ANO2: variants seen among roughly 807,000 people sequenced by gnomAD.
The protein encoded by ANO2 is anoctamin-2.
Under a neutral mutation model 124.2 loss-of-function variants are expected in ANO2, and 101 were observed. The ratio of observed to expected loss-of-function variants is 0.81; its 90% confidence interval spans 0.69 to 0.96. ANO2 has a LOEUF of 0.96. Among genes scored for constraint, ANO2 ranks in the 40% least tolerant of loss-of-function variants. The probability of loss-of-function intolerance (pLI) is 0.00; values close to 1 mark genes in which losing one functional copy is unlikely to be tolerated. For synonymous variants in ANO2, 486 were observed against 482.5 expected (o/e 1.01, Z -0.09); for missense variants, 1,293 against 1,274.5 (o/e 1.01, Z -0.22).
intron 15 of ANO2, among the ~76,000 whole-genome samples, chr12:5,645,902 G>C (rs1591810736): frequency 6.6e-6 from 1 of 152,288 alleles, no homozygotes; most frequent in South Asian, 2.1e-4. Flanking sequence ...CTCTTATGTG[G>C]TGACCCAGGA....
At chr12:5,759,031 C>T (rs748150272) in intron 10 of ANO2, among the ~76,000 whole-genome samples, 9 of 151,450 alleles carry the variant, frequency 5.9e-5, no homozygotes, top group Non-Finnish European at 1.2e-4. Flanking sequence ...ATCTAGCATT[C>T]GAGAGCTGCA....
intron 14 of ANO2, among the ~76,000 whole-genome samples, chr12:5,670,701 AT>A (rs1236189594): frequency 6.6e-6 from 1 of 151,042 alleles, no homozygotes; most frequent in African/African-American, 2.4e-5. Flanking sequence ...TTCCTGGCTA[AT>A]TTTTTTTTAA....
chr12:5,653,154 G>A (rs1946990158), intron 14 of ANO2, among the ~76,000 whole-genome samples: 1 of 152,202 alleles, frequency 6.6e-6, no homozygotes, highest in Non-Finnish European at 1.5e-5. Flanking sequence ...TTCAAAAGAA[G>A]CAGGCTGTGG....
At chr12:5,944,698 G>T (rs906868272) in intron 1 of ANO2, among the ~76,000 whole-genome samples, 1 of 152,172 alleles carries the variant, frequency 6.6e-6, no homozygotes, top group Non-Finnish European at 1.5e-5. Flanking sequence ...ATGCGGTTTT[G>T]GGTAAGACAC....
chr12:5,882,774 C>G (rs1362714035), intron 3 of ANO2, among the ~76,000 whole-genome samples: 1 of 152,186 alleles, frequency 6.6e-6, no homozygotes, highest in Non-Finnish European at 1.5e-5. Context: ...GCAAAGGACA[C>G]AGCAGCAGAC....
chr12:5,915,736 AT>A (rs1191377608), intron 3 of ANO2, among the ~76,000 whole-genome samples: 1 of 152,240 alleles, frequency 6.6e-6, no homozygotes, highest in Non-Finnish European at 1.5e-5. Context: ...AAGGCCAAGC[AT>A]CTTAACATGG....
chr12:5,939,213 C>CAAAAAAAAAAAAAAA, intron 1 of ANO2, among the ~76,000 whole-genome samples: 1 of 86,178 alleles, frequency 1.2e-5, no homozygotes, highest in Non-Finnish European at 2.1e-5. Context: ...AAGACTCCAA[C>CAAAAAAAAAAAAAAA]AAAAAAAAAA....
intron 4 of ANO2, among the ~76,000 whole-genome samples, chr12:5,833,583 C>A (rs1954223996): frequency 6.6e-6 from 1 of 152,130 alleles, no homozygotes; most frequent in African/African-American, 2.4e-5. Flanking sequence ...GGTACTGGTC[C>A]ATGGCCTGTT....
chr12:5,916,493 A>T (rs1311884783), intron 3 of ANO2, among the ~76,000 whole-genome samples: 7 of 75,134 alleles, frequency 9.3e-5, no homozygotes, highest in African/African-American at 4.0e-4. Flanking sequence ...GCAGCAGGTT[A>T]AAAAAAAAAA....
chr12:5,692,061 A>G (rs1948967436), intron 14 of ANO2, among the ~76,000 whole-genome samples: 1 of 152,190 alleles, frequency 6.6e-6, no homozygotes, highest in African/African-American at 2.4e-5. Flanking sequence ...TTTACAGTCC[A>G]GAAAGCTCAC....
At chr12:5,822,869 G>A (rs1456730422) in intron 7 of ANO2, among the ~76,000 whole-genome samples, 3 of 152,200 alleles carry the variant, frequency 2.0e-5, no homozygotes, top group Admixed American at 2.0e-4. Flanking sequence ...GGAGGCCCAA[G>A]AATCATGGAG....
intron 3 of ANO2, among the ~76,000 whole-genome samples, chr12:5,893,079 T>G (rs1218698405): frequency 6.6e-6 from 1 of 152,098 alleles, no homozygotes; most frequent in Non-Finnish European, 1.5e-5. Context: ...AGAAAACAAG[T>G]ATATCCAAAA....
At chr12:5,937,566 T>C (rs973332972) in intron 1 of ANO2, among the ~76,000 whole-genome samples, 1 of 152,206 alleles carries the variant, frequency 6.6e-6, no homozygotes, top group African/African-American at 2.4e-5. Flanking sequence ...TTTCTATTTA[T>C]TTGCATGTCT....
intron 4 of ANO2, chr12:5,852,095 G>C: frequency 1.5e-6 from 1 of 668,162 alleles, no homozygotes; most frequent in East Asian, 2.7e-5. Context: ...GAAGACAGAA[G>C]AAAGAGGAGA....
chr12:5,706,909 G>A (rs902021862), intron 14 of ANO2, among the ~76,000 whole-genome samples: 2 of 152,206 alleles, frequency 1.3e-5, no homozygotes, highest in African/African-American at 4.8e-5. Flanking sequence ...CAATGCTCAT[G>A]CTTCTCACTG....
At chr12:5,717,980 T>C (rs1950084088) in intron 14 of ANO2, among the ~76,000 whole-genome samples, 1 of 152,152 alleles carries the variant, frequency 6.6e-6, no homozygotes, top group Non-Finnish European at 1.5e-5. Context: ...TTCTTTCCAG[T>C]AAGGTTTGGA....
chr12:5,912,509 G>A (rs1941115932), intron 3 of ANO2, among the ~76,000 whole-genome samples: 1 of 152,184 alleles, frequency 6.6e-6, no homozygotes, highest in African/African-American at 2.4e-5. Flanking sequence ...AGTCTTTGGA[G>A]ATGGAAATAG....
chr12:5,916,635 G>T, intron 3 of ANO2, among the ~76,000 whole-genome samples: 1 of 150,748 alleles, frequency 6.6e-6, no homozygotes, highest in East Asian at 2.0e-4. Context: ...ACAGGAAACT[G>T]GGAATGGGGT....
chr12:5,839,663 A>T (rs1739594133), intron 4 of ANO2: 2 of 455,734 alleles, frequency 4.4e-6, no homozygotes, highest in South Asian at 3.1e-5. Flanking sequence ...AAACACAAGG[A>T]TGATAACAAA....
Sources: gnomAD v4.1 joint callset for allele counts (sites outside exome capture counted in the v4.1 genomes callset) on GRCh38, gnomAD v4.1.1 for gene constraint, MANE v1.5 for transcripts, NCBI Gene and HGNC (gene_info 2026-07-23, HGNC 2026-07-21) for gene names.